C17orf58: variants seen among roughly 807,000 people sequenced by gnomAD.
C17orf58 encodes UPF0450 protein C17orf58.
In C17orf58, 5 loss-of-function variants were observed where a neutral mutation model predicts 7.4. The ratio of observed to expected loss-of-function variants is 0.67; its 90% confidence interval spans 0.35 to 1.42. The LOEUF is 1.42. C17orf58 is among the 40% of genes most tolerant of loss of function. The probability of loss-of-function intolerance (pLI) is 0.04; values close to 1 mark genes in which losing one functional copy is unlikely to be tolerated. For synonymous variants in C17orf58, 60 were observed against 70.6 expected, an observed-to-expected ratio of 0.85 and a Z score of 0.75; for missense variants, 162 against 174.2, an observed-to-expected ratio of 0.93 and a Z score of 0.40.
In C17orf58 at chr17:67,996,127, T is replaced by C. The variant is rs2070889875; in HGVS notation, c.72A>G (p.Arg24=). 1 of 398,696 alleles carries C rather than the reference T, an allele frequency of 2.5e-6. No individual in the cohort carries two copies. Among genetic ancestry groups the C allele is most frequent in the African/African-American group, 2.1e-5 (1 of 48,516 alleles). The allele number at this position is 398,696 out of a possible 1,614,324, so 24.7% of individuals were successfully genotyped here. A position where few individuals can be genotyped will look rare whatever the true frequency, so the allele number is the denominator to read the frequency against. The change falls in exon 1 of 4, where the codon AGA becomes AGG. Residue 24 remains arginine, a synonymous_variant. Transcript: ENST00000580729. ...CCCGCACTACACCAATCTTACTTTTTCTCTCCGCCACCGGTGCTTCGGGGG... is the reference window on the plus strand; with the variant it reads ...CCCGCACTACACCAATCTTACTTTTCCTCTCCGCCACCGGTGCTTCGGGGG... ...GSSPEAPVAE[R]KTSPPHSRKP... is the part of the protein sequence containing the mutation.
Position 67,993,211 on chromosome 17 carries a change from A to C in C17orf58, c.662T>G (p.Val221Gly). 1 of 1,600,446 alleles carries C rather than the reference A, an allele frequency of 6.2e-7. No individual in the cohort carries two copies. Among genetic ancestry groups the C allele is most frequent in the Non-Finnish European group, 8.5e-7 (1 of 1,171,042 alleles). The change falls in exon 3 of 4, where the codon GTG (valine) becomes GGG (glycine). Residue 221 changes from valine to glycine, a missense_variant. Val to Gly is a moderately radical substitution (Grantham distance 109). Around this residue, in one of 3 missense-constraint regions of C17orf58, gnomAD observed 93 missense variants for 90.4 expected, o/e 1.03. Coordinates refer to ENST00000580729, the MANE Select transcript of C17orf58 (RefSeq NM_001382359.1). The surrounding 1 kb of genome is among the most constrained non-coding windows in gnomAD (Gnocchi z 5.1). Reference protein sequence around the residue: ...EFAVNGIVHDVDVLGAGIRLV... With the variant: ...EFAVNGIVHDGDVLGAGIRLV... ...CCGGATGCCCGCGCCCAGCACGTCC[A>C]CATCGTGCACGATCCCGTTCACCGC...
In C17orf58 at chr17:67,993,225, C is replaced by T. The variant is rs2070854866; in HGVS notation, c.648G>A (p.Gly216=). The T allele has an allele frequency of 6.4e-7, 1 of 1,572,692 alleles. No individual in the cohort carries two copies. Among genetic ancestry groups the T allele is most frequent in the Non-Finnish European group, 8.7e-7 (1 of 1,150,602 alleles). The change falls in exon 3 of 4, where the codon GGG becomes GGA. Residue 216 remains glycine, a synonymous_variant. Transcript: ENST00000580729. The surrounding 1 kb of genome is among the most constrained non-coding windows in gnomAD (Gnocchi z 5.1). The stretch of plus-strand genomic sequence containing the variant: ...CCAGCACGTCCACATCGTGCACGAT[C>T]CCGTTCACCGCTGCTTCCGAAAAAC... The part of the protein sequence containing the change: ...AFCESEFAVN[G]IVHDVDVLGA...
chr17:67,992,162 A>T, intron 3 of C17orf58, 59 bp from the exon 4 acceptor site: 1 of 1,417,624 alleles, frequency 7.1e-7, no homozygotes, highest in Non-Finnish European at 9.5e-7. Context: ...TGAAACAGAA[A>T]ATGTAAGGCC....
intron 3 of C17orf58, 185 bp downstream of exon 3, chr17:67,992,859 G>A: frequency 6.3e-7 from 1 of 1,592,876 alleles, no homozygotes; most frequent in Non-Finnish European, 8.6e-7. Context: ...CTTGAGGGTG[G>A]GGGCTGACAG....
chr17:67,993,200 C>T lies in C17orf58; in HGVS notation c.673G>A (p.Gly225Ser), dbSNP rs2070854609. Residue 225 changes from glycine to serine, a missense_variant, in exon 3 of 4, where the codon GGC becomes AGC. By Grantham distance (56) the Gly-to-Ser change is moderately conservative. This residue lies in a region of C17orf58 where 93 missense variants were observed against 90.4 expected (regional missense o/e 1.03). Coordinates refer to ENST00000580729, the MANE Select transcript of C17orf58 (RefSeq NM_001382359.1). The surrounding 1 kb of genome is among the most constrained non-coding windows in gnomAD (Gnocchi z 5.1). Reference sequence around the variant, plus strand: ...AGGGTCACCAGCCGGATGCCCGCGCCCAGCACGTCCACATCGTGCACGATC... The same window carrying T: ...AGGGTCACCAGCCGGATGCCCGCGCTCAGCACGTCCACATCGTGCACGATC... ...NGIVHDVDVL[G>S]AGIRLVTLLV... 4.4e-6 allele frequency: 7 copies of T among 1,608,942 alleles called. No homozygotes were observed. In the South Asian group the frequency reaches 4.4e-5, roughly 10 times the overall value.
chr17:67,994,902 G>A (rs1265250850), intron 1 of C17orf58, among the ~76,000 whole-genome samples: 1 of 152,102 alleles, frequency 6.6e-6, no homozygotes, highest in African/African-American at 2.4e-5. Flanking sequence ...GGTATGGCAT[G>A]AAAACAAATT....
rs781851820 is a variant in C17orf58 at position 67,996,208 on chromosome 17, C to T, written c.-10G>A. ...AAGCTCTAGCTGTCATTTTTGCAGA[C>T]AGGGTTCCCAGGCTCTAAAAGTGAG... is the stretch of plus-strand genomic sequence containing the variant. On this transcript the variant is annotated 5_prime_UTR_variant, in exon 1 of 4. Coordinates refer to ENST00000580729, the MANE Select transcript of C17orf58 (RefSeq NM_001382359.1). 24 of 398,924 alleles carry T rather than the reference C, an allele frequency of 6.0e-5. No homozygotes were observed. Among genetic ancestry groups the T allele is most frequent in the Non-Finnish European group, 9.3e-5 (21 of 226,082 alleles). The allele number at this position is 398,924 out of a possible 1,614,324, so 24.7% of individuals were successfully genotyped here. A position where few individuals can be genotyped will look rare whatever the true frequency, so the allele number is the denominator to read the frequency against.
chr17:67,993,301 T>A lies in C17orf58; in HGVS notation c.638-66A>T. The A allele has an allele frequency of 1.9e-6, 2 of 1,052,416 alleles. No individual in the cohort carries two copies. The highest frequency in any genetic ancestry group is 1.4e-6 in the Non-Finnish European group (1 of 730,466). 65.2% of individuals were successfully genotyped at this position (1,052,416 alleles called of 1,614,324 possible). A position where few individuals can be genotyped will look rare whatever the true frequency, so the allele number is the denominator to read the frequency against. ...GTTCCTCTCCCAGTCCCCCAGGAGG[T>A]GGTTTTTAGCAACCGCGAAACGGCC... On this transcript the variant is annotated intron_variant, in intron 2 of 3. Transcript: ENST00000580729. The surrounding 1 kb of genome is among the most constrained non-coding windows in gnomAD (Gnocchi z 5.1).
intron 3 of C17orf58, 168 bp downstream of exon 3, chr17:67,992,876 A>C (rs782596661): frequency 1.4e-5 from 22 of 1,608,552 alleles, no homozygotes; most frequent in Non-Finnish European, 1.6e-5. Context: ...ACAGGGCTTA[A>C]ATCACAGAGT....
At chr17:67,994,535 T>TATATATATATATATATATATATAA (rs71142122) in intron 1 of C17orf58, among the ~76,000 whole-genome samples, 39 of 100,120 alleles carry the variant, frequency 3.9e-4, no homozygotes, top group African/African-American at 4.2e-4. Context: ...TATATATATA[T>TATATATATATATATATATATATAA]AAAACATATA....
chr17:67,992,584 A>T (rs1211802858), intron 3 of C17orf58, among the ~76,000 whole-genome samples: 1 of 151,396 alleles, frequency 6.6e-6, no homozygotes, highest in East Asian at 1.9e-4. Context: ...AAAAAAAAAA[A>T]AAAAAAAAAA....
At chr17:67,994,665 T>G (rs1599119649) in intron 1 of C17orf58, among the ~76,000 whole-genome samples, 1 of 151,832 alleles carries the variant, frequency 6.6e-6, no homozygotes, top group Admixed American at 6.6e-5. Flanking sequence ...ACAACAGAAC[T>G]ATTTGGTTTT....
chr17:67,993,805 T>C lies in C17orf58; in HGVS notation c.256A>G (p.Asn86Asp). 3.9e-6 allele frequency: 1 copy of C among 256,062 alleles called. No individual in the cohort carries two copies. The highest frequency in any genetic ancestry group is 7.1e-6 in the Non-Finnish European group (1 of 140,248). 15.9% of individuals were successfully genotyped at this position (256,062 alleles called of 1,614,324 possible). Reference sequence around the variant, plus strand: ...GCGGCCTCCCGGAAGCTGGCCTGGTTGTCGGCCGGCGGTGGGGGCTTCCGG... The same window carrying C: ...GCGGCCTCCCGGAAGCTGGCCTGGTCGTCGGCCGGCGGTGGGGGCTTCCGG... ...RRRKPPPPAD[N>D]QASFREAARA... Residue 86 changes from asparagine to aspartate, a missense_variant, in exon 2 of 4, where the codon AAC becomes GAC. This residue lies in a region of C17orf58 where 93 missense variants were observed against 90.4 expected (regional missense o/e 1.03). Coordinates refer to ENST00000580729, the MANE Select transcript of C17orf58 (RefSeq NM_001382359.1). This position sits in a 1 kb window ranked among gnomAD's most constrained non-coding sequence, Gnocchi z 5.1.
chr17:67,993,303 GT>G lies in C17orf58; in HGVS notation c.638-69del. ...TCCTCTCCCAGTCCCCCAGGAGGTG[GT>G]TTTTAGCAACCGCGAAACGGCCCGC... On this transcript the variant is annotated intron_variant, in intron 2 of 3. Transcript: ENST00000580729. The surrounding 1 kb of genome is among the most constrained non-coding windows in gnomAD (Gnocchi z 5.1). The G allele has an allele frequency of 3.9e-6, 4 of 1,022,810 alleles. No individual in the cohort carries two copies. The highest frequency in any genetic ancestry group is 5.7e-6 in the Non-Finnish European group (4 of 703,940). 63.4% of individuals were successfully genotyped at this position (1,022,810 alleles called of 1,614,324 possible).
intron 1 of C17orf58, among the ~76,000 whole-genome samples, chr17:67,994,437 C>T: frequency 6.7e-6 from 1 of 149,984 alleles, no homozygotes; most frequent in South Asian, 2.1e-4. Flanking sequence ...GGTTAGATAA[C>T]AAACTTTTTT....
At position 67,994,510 on chromosome 17, in the gene C17orf58, G is replaced by GTATATATA. The variant is rs1291189426; in HGVS notation, c.77-527_77-526insTATATATA. ...TGCGTGTGCGTGTGTGTGTGTGTGT[G>GTATATATA]TGTGTGTATATATATATATATATAT... On this transcript the variant is annotated intron_variant, in intron 1 of 3. Transcript: ENST00000580729. Among the ~76,000 whole-genome samples, 640 of 71,438 alleles carry GTATATATA rather than the reference G, an allele frequency of 9.0e-3. 9 individuals carry two copies. Among genetic ancestry groups the GTATATATA allele is most frequent in the Admixed American group, 0.025 (162 of 6,436 alleles). 46.9% of individuals were successfully genotyped at this position (71,438 alleles called of 152,430 possible).
At position 67,993,158 on chromosome 17, in the gene C17orf58, C is replaced by T; in HGVS notation, c.715G>A (p.Gly239Arg). ...RLVTLLVDRD[G>R]LYKMNRLYLT... Reference sequence around the variant, plus strand: ...TACAGGCGGTTCATCTTGTACAGCCCGTCCCGATCCACCAGCAGGGTCACC... The same window carrying T: ...TACAGGCGGTTCATCTTGTACAGCCTGTCCCGATCCACCAGCAGGGTCACC... Residue 239 changes from glycine (G) to arginine (R), a missense_variant, in exon 3 of 4, where the codon GGG becomes AGG. Gly to Arg is a moderately radical substitution (Grantham distance 125, BLOSUM62 -2). Around this residue, in one of 3 missense-constraint regions of C17orf58, gnomAD observed 93 missense variants for 90.4 expected, o/e 1.03. Transcript: ENST00000580729. This position sits in a 1 kb window ranked among gnomAD's most constrained non-coding sequence, Gnocchi z 5.1. The T allele has an allele frequency of 6.2e-7, 1 of 1,613,546 alleles. No homozygotes were observed. The highest frequency in any genetic ancestry group is 1.1e-5 in the South Asian group (1 of 91,052).
chr17:67,992,175 T>C, intron 3 of C17orf58, 72 bp from the exon 4 acceptor site: 1 of 1,285,490 alleles, frequency 7.8e-7, no homozygotes, highest in South Asian at 1.6e-5. Context: ...GTAAGGCCTT[T>C]AAGAAACGCC....
At chr17:67,994,247 G>A (rs1184416051) in intron 1 of C17orf58, among the ~76,000 whole-genome samples, 3 of 151,660 alleles carry the variant, frequency 2.0e-5, no homozygotes, top group Non-Finnish European at 4.4e-5. Context: ...GAGATGGGAG[G>A]GAGGCCCGGA....
Sources: gnomAD v4.1 joint callset for allele counts (sites outside exome capture counted in the v4.1 genomes callset) on GRCh38, gnomAD v4.1.1 for gene constraint, gnomAD v4.1.1 regional missense constraint, Gnocchi (gnomAD v3.1) non-coding constraint, MANE v1.5 for transcripts, NCBI Gene and HGNC (gene_info 2026-07-23, HGNC 2026-07-21) for gene names.